C10orf67: variants seen among roughly 807,000 people sequenced by gnomAD.
C10orf67 encodes chromosome 10 open reading frame 67.
A neutral mutation model predicts 35.6 loss-of-function variants in C10orf67; 60 were observed. That is an observed-to-expected ratio of 1.68 (90% CI 1.37 to 2.09). The LOEUF (loss-of-function observed/expected upper bound fraction) is 2.09, where lower values mean the gene tolerates loss of function less well. Ranked by LOEUF, C10orf67 falls within the 30% of genes most tolerant of loss-of-function variation. C10orf67 has a pLI of 0.00. For missense variants in C10orf67, 474 were observed against 330.2 expected, an observed-to-expected ratio of 1.44 and a Z score of -3.38; for synonymous variants, 167 against 115.8, an observed-to-expected ratio of 1.44 and a Z score of -2.84.
At chr10:23,322,600 G>GACAACATGCAGTAT in intron 2 of C10orf67, 63 bp from the exon 3 acceptor site, 2 of 1,108,786 alleles carry the variant, frequency 1.8e-6, no homozygotes, top group Non-Finnish European at 1.3e-6. Flanking sequence ...AATACTGCAT[G>GACAACATGCAGTAT]TTGTCACTTG....
At chr10:23,295,223 G>C (rs557535134) in intron 5 of C10orf67, among the ~76,000 whole-genome samples, 1 of 152,282 alleles carries the variant, frequency 6.6e-6, no homozygotes, top group Non-Finnish European at 1.5e-5. Flanking sequence ...GAGTATTCTG[G>C]ATGCCACTGA....
At chr10:23,244,875 G>C (rs1228991024) in intron 12 of C10orf67, among the ~76,000 whole-genome samples, 1 of 152,088 alleles carries the variant, frequency 6.6e-6, no homozygotes, top group Admixed American at 6.5e-5. Flanking sequence ...AAACATAGAA[G>C]ACCCCAAATG....
intron 8 of C10orf67, among the ~76,000 whole-genome samples, chr10:23,275,010 C>T (rs1399587325): frequency 6.6e-6 from 1 of 152,186 alleles, no homozygotes; most frequent in Non-Finnish European, 1.5e-5. Flanking sequence ...TGACTTGCTG[C>T]AACACACAGG....
At position 23,229,150 on chromosome 10, in the gene C10orf67, C is replaced by G. The variant is rs12252427; in HGVS notation, c.1435-5332G>C. On this transcript the variant is annotated intron_variant, in intron 13 of 15. Coordinates refer to ENST00000636213, the MANE Select transcript of C10orf67 (RefSeq NM_001371909.1). ...ACATGCACACGTATGTTCACTGCGG[C>G]ACTATTCACAATAGCAAAGACTTGG... 4.2e-3 allele frequency among the ~76,000 whole-genome samples: 637 copies of G among 152,160 alleles called. 5 individuals are homozygous for G. Among genetic ancestry groups the G allele is most frequent in the African/African-American group, 0.015 (614 of 41,510 alleles).
intron 10 of C10orf67, among the ~76,000 whole-genome samples, chr10:23,257,310 C>T (rs1588622500): frequency 6.6e-6 from 1 of 152,164 alleles, no homozygotes; most frequent in South Asian, 2.1e-4. Context: ...ATTAGAACCA[C>T]AGAGAATCTT....
At chr10:23,242,572 C>T (rs1368916201) in intron 12 of C10orf67, among the ~76,000 whole-genome samples, 1 of 151,760 alleles carries the variant, frequency 6.6e-6, no homozygotes, top group Non-Finnish European at 1.5e-5. Flanking sequence ...ACAATAGCAA[C>T]CTTTCATGGA....
chr10:23,255,155 CA>C (rs1434768203), intron 10 of C10orf67, among the ~76,000 whole-genome samples: 12 of 152,108 alleles, frequency 7.9e-5, no homozygotes, highest in Non-Finnish European at 1.5e-5. Flanking sequence ...CATGCACCTA[CA>C]ATTTGGAGAG....
At chr10:23,294,480 A>G (rs1287727632) in intron 5 of C10orf67, among the ~76,000 whole-genome samples, 1 of 152,206 alleles carries the variant, frequency 6.6e-6, no homozygotes, top group African/African-American at 2.4e-5. Flanking sequence ...GCCAACGGAC[A>G]GCATGGAAAC....
Position 23,204,017 on chromosome 10 carries a change from G to A in C10orf67, c.*156C>T, listed in dbSNP as rs185611939. The A allele has an allele frequency of 4.6e-5, 18 of 388,878 alleles. No individual in the cohort carries two copies. Among genetic ancestry groups the A allele is most frequent in the African/African-American group, 3.5e-4 (17 of 48,336 alleles). 24.1% of individuals were successfully genotyped at this position (388,878 alleles called of 1,614,324 possible). A position where few individuals can be genotyped will look rare whatever the true frequency, so the allele number is the denominator to read the frequency against. ...AAGGCGCGCATTGAGGTCTATTCGA[G>A]CGCAGTGCTGGTTAATATACATAAT... is the stretch of plus-strand genomic sequence containing the variant. On this transcript the variant is annotated 3_prime_UTR_variant, in exon 16 of 16. Transcript: ENST00000636213.
chr10:23,257,648 C>A (rs1400226559), intron 10 of C10orf67, among the ~76,000 whole-genome samples: 8 of 152,114 alleles, frequency 5.3e-5, no homozygotes, highest in Admixed American at 5.2e-4. Context: ...ATAAAAAATA[C>A]AAAAGTTAGC....
intron 8 of C10orf67, among the ~76,000 whole-genome samples, chr10:23,280,573 T>C (rs973625264): frequency 6.6e-6 from 1 of 152,168 alleles, no homozygotes; most frequent in Non-Finnish European, 1.5e-5. Context: ...TCTATTGAAA[T>C]CATGAGCTCC....
At chr10:23,220,575 C>T (rs960029762) in intron 15 of C10orf67, among the ~76,000 whole-genome samples, 2 of 152,210 alleles carry the variant, frequency 1.3e-5, no homozygotes, top group East Asian at 1.9e-4. Flanking sequence ...AATCTTGGGG[C>T]AGGTGAAAAT....
At chr10:23,286,881 C>T (rs563930526) in intron 7 of C10orf67, among the ~76,000 whole-genome samples, 2 of 152,284 alleles carry the variant, frequency 1.3e-5, no homozygotes, top group South Asian at 4.1e-4. Context: ...CATCTCCCAC[C>T]TCTGACCAAT....
intron 13 of C10orf67, among the ~76,000 whole-genome samples, chr10:23,237,553 G>A (rs1179539501): frequency 6.6e-6 from 1 of 152,092 alleles, no homozygotes; most frequent in East Asian, 1.9e-4. Context: ...ACAAATTATG[G>A]TTTATTCATT....
At chr10:23,209,577 A>G (rs1427922042) in intron 15 of C10orf67, among the ~76,000 whole-genome samples, 1 of 152,200 alleles carries the variant, frequency 6.6e-6, no homozygotes, top group Non-Finnish European at 1.5e-5. Context: ...GAAGGATGAA[A>G]GAAGAAGAGA....
At chr10:23,285,833 T>G (rs1843510579) in intron 7 of C10orf67, among the ~76,000 whole-genome samples, 1 of 152,258 alleles carries the variant, frequency 6.6e-6, no homozygotes, top group Non-Finnish European at 1.5e-5. Context: ...ACTTAGTTCC[T>G]CACTTGCACT....
At chr10:23,274,242 G>C (rs1843115549) in intron 8 of C10orf67, among the ~76,000 whole-genome samples, 2 of 152,142 alleles carry the variant, frequency 1.3e-5, no homozygotes, top group Non-Finnish European at 1.5e-5. Flanking sequence ...GTCCCGCTGG[G>C]CACACACTGT....
chr10:23,227,703 T>G (rs1226826903), intron 13 of C10orf67, among the ~76,000 whole-genome samples: 2 of 152,094 alleles, frequency 1.3e-5, no homozygotes, highest in Admixed American at 6.6e-5. Context: ...CGTCTCAGCC[T>G]AAAATCTCCT....
At chr10:23,281,910 A>G in intron 8 of C10orf67, 103 bp downstream of exon 8, 1 of 436,240 alleles carries the variant, frequency 2.3e-6, no homozygotes. Context: ...AGATGAAATG[A>G]GTCATTCACA....
Sources: gnomAD v4.1 joint callset for allele counts (sites outside exome capture counted in the v4.1 genomes callset) on GRCh38, gnomAD v4.1.1 for gene constraint, MANE v1.5 for transcripts, NCBI Gene and HGNC (gene_info 2026-07-23, HGNC 2026-07-21) for gene names.